Variants in ITGA4 observed in about 807,000 individuals in gnomAD.
The protein encoded by ITGA4 is integrin alpha-4.
A neutral mutation model predicts 133.6 loss-of-function variants in ITGA4; 63 were observed. The ratio of observed to expected loss-of-function variants is 0.47; its 90% CI spans 0.38 to 0.58. ITGA4 has a LOEUF of 0.58. Ranked by LOEUF, ITGA4 falls within the 20% of genes least tolerant of loss-of-function variation. The pLI, the probability that ITGA4 is intolerant of heterozygous loss-of-function variation, is 0.00. For missense variants in ITGA4, 1,076 were observed against 1,252.7 expected, an observed-to-expected ratio of 0.86 and a Z score of 2.13; for synonymous variants, 483 against 438.0, an observed-to-expected ratio of 1.10 and a Z score of -1.28.
In ITGA4 at chr2:181,494,745, C is replaced by T. The variant is rs1268967229; in HGVS notation, c.1272C>T (p.Ser424=). 6.2e-7 allele frequency: 1 copy of T among 1,602,678 alleles called. No homozygotes were observed. Among genetic ancestry groups the T allele is most frequent in the South Asian group, 1.1e-5 (1 of 90,848 alleles). Residue 424 remains serine, a synonymous_variant, in exon 12 of 28, where the codon AGC becomes AGT. Transcript: ENST00000397033. ...AGAGAATTGAAGGACTTCAGATCAG[C>T]AAATCGTTAAGTATGTTTGGACAGT... ...FSQRIEGLQI[S]KSLSMFGQSI...
At chr2:181,490,154 CG>C (rs1278539080) in intron 10 of ITGA4, among the ~76,000 whole-genome samples, 1 of 152,140 alleles carries the variant, frequency 6.6e-6, no homozygotes, top group Non-Finnish European at 1.5e-5. Flanking sequence ...CCAATTAGGT[CG>C]GGGTCGATCT....
chr2:181,459,317 A>G (rs923698990), intron 2 of ITGA4: 10 of 152,330 alleles, frequency 6.6e-5, no homozygotes, highest in Non-Finnish European at 1.3e-4. Flanking sequence ...AATTAAGTGA[A>G]TGGTTTAATA....
intron 4 of ITGA4, among the ~76,000 whole-genome samples, chr2:181,477,414 T>C (rs1200918324): frequency 6.6e-6 from 1 of 151,904 alleles, no homozygotes; most frequent in African/African-American, 2.4e-5. Context: ...ATCAACAGAG[T>C]GAAGAGACAG....
chr2:181,491,131 G>A (rs966517210), intron 10 of ITGA4, among the ~76,000 whole-genome samples: 8 of 152,260 alleles, frequency 5.3e-5, no homozygotes, highest in South Asian at 2.1e-4. Context: ...AGTGTCCTCT[G>A]TATGGAAAAA....
In ITGA4 at chr2:181,457,690, A is replaced by G; in HGVS notation, c.36A>G (p.Arg12=). ...AAGCGAGGCGCGAACCCGGCCCCCGAAGGGCCGCCGTCCGGGAGACGGTGA... is the reference window on the plus strand; with the variant it reads ...AAGCGAGGCGCGAACCCGGCCCCCGGAGGGCCGCCGTCCGGGAGACGGTGA... ...AWEARREPGP[R]RAAVRETVML... is the part of the protein sequence containing the mutation. Residue 12 remains arginine (R), a synonymous_variant, in exon 1 of 28, where the codon CGA becomes CGG. Coordinates refer to ENST00000397033, the MANE Select transcript of ITGA4 (RefSeq NM_000885.6). 6.2e-7 allele frequency: 1 copy of G among 1,610,072 alleles called. No individual in the cohort carries two copies. The highest frequency in any genetic ancestry group is 8.5e-7 in the Non-Finnish European group (1 of 1,179,250).
At chr2:181,515,816 G>A (rs1005375414) in intron 17 of ITGA4, among the ~76,000 whole-genome samples, 1 of 152,024 alleles carries the variant, frequency 6.6e-6, no homozygotes, top group Non-Finnish European at 1.5e-5. Context: ...AGAAACAGTA[G>A]GCGAATTGTG....
At chr2:181,506,729 G>C (rs1436152911) in intron 15 of ITGA4, among the ~76,000 whole-genome samples, 1 of 152,020 alleles carries the variant, frequency 6.6e-6, no homozygotes, top group African/African-American at 2.4e-5. Flanking sequence ...ATGTGTGATA[G>C]GGATTTATTC....
intron 23 of ITGA4, 66 bp downstream of exon 23, chr2:181,529,714 A>G (rs1686902639): frequency 1.2e-6 from 1 of 816,044 alleles, no homozygotes; most frequent in Non-Finnish European, 2.1e-6. Flanking sequence ...AATGCAAACC[A>G]ATCCTTTATT....
chr2:181,493,483 G>T, intron 11 of ITGA4, 64 bp downstream of exon 11: 6 of 906,382 alleles, frequency 6.6e-6, no homozygotes, highest in Non-Finnish European at 8.5e-6. Flanking sequence ...AAACTTCCAG[G>T]GTTTATGTGG....
intron 17 of ITGA4, among the ~76,000 whole-genome samples, chr2:181,521,612 A>C (rs1354948521): frequency 1.3e-5 from 2 of 152,154 alleles, no homozygotes; most frequent in Non-Finnish European, 2.9e-5. Flanking sequence ...TCTGTTTTTA[A>C]ATTTGGCCTA....
rs1022617369 is a variant in ITGA4, at chr2:181,523,169, T to A, written c.2074-268T>A. On this transcript the variant is annotated intron_variant, in intron 18 of 27. Transcript: ENST00000397033. The surrounding 1 kb of genome is among the most constrained non-coding windows in gnomAD (Gnocchi z 4.2). ...ACTAGAGTACACACATATATGTATA[T>A]ACACACACACATACACATACACATA... Among the ~76,000 whole-genome samples the A allele has an allele frequency of 6.6e-6, 1 of 151,888 alleles. No individual in the cohort carries two copies. Among genetic ancestry groups the A allele is most frequent in the Middle Eastern group, 3.4e-3 (1 of 294 alleles).
chr2:181,523,403 C>A lies in ITGA4; in HGVS notation c.2074-34C>A. On this transcript the variant is annotated intron_variant, in intron 18 of 27. Transcript: ENST00000397033. This position sits in a 1 kb window ranked among gnomAD's most constrained non-coding sequence, Gnocchi z 4.2. ...ATGTTACAAACTTTTTATTTCCTTC[C>A]TGTCCAAAACAGTTGTTTCATTTTT... 8.0e-7 allele frequency: 1 copy of A among 1,246,922 alleles called. No homozygotes were observed. Among genetic ancestry groups the A allele is most frequent in the Non-Finnish European group, 1.2e-6 (1 of 847,438 alleles). 77.2% of individuals were successfully genotyped at this position (1,246,922 alleles called of 1,614,324 possible). A position where few individuals can be genotyped will look rare whatever the true frequency, so the allele number is the denominator to read the frequency against.
In ITGA4 at chr2:181,509,801, A is replaced by G. The variant is rs779076499; in HGVS notation, c.1839A>G (p.Lys613=). The G allele has an allele frequency of 5.0e-6, 8 of 1,603,174 alleles. No individual in the cohort carries two copies. Among genetic ancestry groups the G allele is most frequent in the Non-Finnish European group, 6.0e-6 (7 of 1,174,752 alleles). Residue 613 remains lysine (K), a synonymous_variant, in exon 16 of 28, where the codon AAA becomes AAG. Transcript: ENST00000397033. ...AGAAGAAAGAAAAAGACATAATGAA[A>G]AAAACAGTAGGAATATTTTCCTTTA... ...LQQKKEKDIM[K]KTINFARFCA...
rs1383181040 is a variant in ITGA4, at chr2:181,536,599, TAAATTCATA to T, written c.*1075_*1083del. On this transcript the variant is annotated 3_prime_UTR_variant, in exon 28 of 28. Transcript: ENST00000397033. ...AACGAAGAAACAAAATTCATAAATT[TAAATTCATA>T]AATTTAGCTGAAAGATACTGATTCA... 6.3e-6 allele frequency: 1 copy of T among 159,616 alleles called. No homozygotes were observed. Among genetic ancestry groups the T allele is most frequent in the Admixed American group, 6.1e-5 (1 of 16,366 alleles). The allele number at this position is 159,616 out of a possible 1,614,324, so 9.9% of individuals were successfully genotyped here. A position where few individuals can be genotyped will look rare whatever the true frequency, so the allele number is the denominator to read the frequency against.
chr2:181,536,591 C>T lies in ITGA4; in HGVS notation c.*1064C>T, dbSNP rs1405467864. 6.7e-6 allele frequency: 1 copy of T among 149,630 alleles called. No individual in the cohort carries two copies. Among genetic ancestry groups the T allele is most frequent in the African/African-American group, 3.0e-5 (1 of 32,848 alleles). The allele number at this position is 149,630 out of a possible 1,614,324, so 9.3% of individuals were successfully genotyped here. A position where few individuals can be genotyped will look rare whatever the true frequency, so the allele number is the denominator to read the frequency against. On this transcript the variant is annotated 3_prime_UTR_variant, in exon 28 of 28. Transcript: ENST00000397033. ...TACATGGAAACGAAGAAACAAAATT[C>T]ATAAATTTAAATTCATAAATTTAGC...
At chr2:181,531,594 A>G (rs1686946685) in intron 24 of ITGA4, 63 bp from the exon 25 acceptor site, 3 of 928,934 alleles carry the variant, frequency 3.2e-6, no homozygotes, top group South Asian at 4.0e-5. Flanking sequence ...TCTATATAAA[A>G]TATTTTAAAA....
intron 2 of ITGA4, among the ~76,000 whole-genome samples, chr2:181,467,715 T>G (rs1685453593): frequency 6.6e-6 from 1 of 152,202 alleles, no homozygotes; most frequent in Non-Finnish European, 1.5e-5. Flanking sequence ...GTGGAATAGA[T>G]TTCAGTTAAT....
Position 181,522,197 on chromosome 2 carries a change from T to G in ITGA4, c.1929T>G (p.His643Gln). The change falls in exon 18 of 28, where the codon CAT (histidine) becomes CAG (glutamine). Residue 643 changes from histidine (H) to glutamine (Q), a missense_variant. His to Gln is a conservative substitution (Grantham distance 24). Coordinates refer to ENST00000397033, the MANE Select transcript of ITGA4 (RefSeq NM_000885.6). The part of the protein sequence containing the change: ...VSAKIGFLKP[H>Q]ENKTYLAVGS... ...AATATTACTTAATTTTTAGGCCCCA[T>G]GAAAATAAAACATATCTTGCTGTTG... 6.4e-7 allele frequency: 1 copy of G among 1,573,532 alleles called. No individual in the cohort carries two copies. Among genetic ancestry groups the G allele is most frequent in the Non-Finnish European group, 8.6e-7 (1 of 1,157,300 alleles).
At chr2:181,506,692 T>G (rs1686400867) in intron 15 of ITGA4, among the ~76,000 whole-genome samples, 1 of 152,144 alleles carries the variant, frequency 6.6e-6, no homozygotes, top group African/African-American at 2.4e-5. Context: ...AGTTACTATA[T>G]AAATAATATA....
Sources: allele counts gnomAD v4.1 joint callset (sites outside exome capture counted in the v4.1 genomes callset), GRCh38; gene constraint gnomAD v4.1.1; non-coding constraint Gnocchi (gnomAD v3.1); transcripts MANE v1.5; gene names NCBI Gene and HGNC (gene_info 2026-07-23, HGNC 2026-07-21).